Variants in DZIP1L observed in about 807,000 individuals in gnomAD.
DZIP1L encodes cilium assembly protein DZIP1L.
In DZIP1L, 90 loss-of-function variants were observed where a neutral mutation model predicts 88.7. That is an observed-to-expected ratio of 1.02 (90% CI 0.86 to 1.21). The LOEUF is 1.21. Among genes scored for constraint, DZIP1L ranks in the 50% most tolerant of loss-of-function variants. The probability of loss-of-function intolerance (pLI) is 0.00; values close to 1 mark genes in which losing one functional copy is unlikely to be tolerated. For missense variants in DZIP1L, 932 were observed against 955.8 expected (o/e 0.98, Z 0.33); for synonymous variants, 363 against 372.1 (o/e 0.98, Z 0.28).
chr3:138,112,002 CAAAA>C (rs56199137), intron 1 of DZIP1L, among the ~76,000 whole-genome samples: 1 of 135,094 alleles, frequency 7.4e-6, no homozygotes, highest in Non-Finnish European at 1.6e-5. Context: ...AATTCTGTCT[CAAAA>C]AAAAAAAAAA....
intron 2 of DZIP1L, chr3:138,102,258 T>A: frequency 6.9e-7 from 1 of 1,440,576 alleles, no homozygotes. Flanking sequence ...GAAGTTGATC[T>A]CGTCAGTCAG....
At chr3:138,112,502 T>C (rs1240853243) in intron 1 of DZIP1L, 2 of 152,190 alleles carry the variant, frequency 1.3e-5, no homozygotes, top group African/African-American at 4.8e-5. Flanking sequence ...GCTTGCGTCC[T>C]GATTAGGATA....
intron 11 of DZIP1L, among the ~76,000 whole-genome samples, chr3:138,076,088 T>C (rs932793447): frequency 6.6e-6 from 1 of 152,154 alleles, no homozygotes; most frequent in Non-Finnish European, 1.5e-5. Context: ...CCCAGAAGCC[T>C]TGGGTAGCAG....
At chr3:138,085,540 A>G (rs981152191) in intron 7 of DZIP1L, among the ~76,000 whole-genome samples, 3 of 152,254 alleles carry the variant, frequency 2.0e-5, no homozygotes, top group Non-Finnish European at 4.4e-5. Context: ...AGAAATGCAA[A>G]TCAAAACCAC....
At chr3:138,096,767 G>C (rs781356925) in intron 3 of DZIP1L, among the ~76,000 whole-genome samples, 7 of 152,092 alleles carry the variant, frequency 4.6e-5, no homozygotes, top group Non-Finnish European at 8.8e-5. Context: ...TAGGTAAGTG[G>C]TACTTTTTTT....
At chr3:138,084,069 G>C (rs752820070) in intron 8 of DZIP1L, 44 bp downstream of exon 8, 33 of 1,603,524 alleles carry the variant, frequency 2.1e-5, no homozygotes, top group Non-Finnish European at 2.7e-5. Flanking sequence ...CAGGAAAGAG[G>C]CCCAGGGACA....
chr3:138,080,164 T>G (rs556679239), intron 10 of DZIP1L, among the ~76,000 whole-genome samples: 1 of 152,116 alleles, frequency 6.6e-6, no homozygotes, highest in Non-Finnish European at 1.5e-5. Flanking sequence ...TGCAGCACAC[T>G]CACAATGTAG....
chr3:138,100,552 C>T (rs980754641), intron 2 of DZIP1L, among the ~76,000 whole-genome samples: 1 of 152,186 alleles, frequency 6.6e-6, no homozygotes, highest in African/African-American at 2.4e-5. Flanking sequence ...GCCCAGGTAT[C>T]TGAAGTGGGG....
rs1942748057 is a variant in DZIP1L, at chr3:138,062,659, G to A, written c.*157C>T. 4 of 867,854 alleles carry A rather than the reference G, an allele frequency of 4.6e-6. No individual in the cohort carries two copies. The highest frequency in any genetic ancestry group is 1.8e-5 in the South Asian group (1 of 56,796). 53.8% of individuals were successfully genotyped at this position (867,854 alleles called of 1,614,324 possible). On this transcript the variant is annotated 3_prime_UTR_variant, in exon 16 of 16. Coordinates refer to ENST00000327532, the MANE Select transcript of DZIP1L (RefSeq NM_173543.3). ...AGCAGGGCCCCTCACAGGTCAGGAGGGATGAGATCATATCCATTCCCTGCA... is the reference window on the plus strand; with the variant it reads ...AGCAGGGCCCCTCACAGGTCAGGAGAGATGAGATCATATCCATTCCCTGCA...
In DZIP1L at chr3:138,062,916, T is replaced by C. The variant is rs553034156; in HGVS notation, c.2204A>G (p.Asp735Gly). 8 of 1,614,150 alleles carry C rather than the reference T, an allele frequency of 5.0e-6. No homozygotes were observed. In the African/African-American group the frequency reaches 1.1e-4, roughly 22 times the overall value. ...SSLEDLPLDL[D>G]QREKPKPLSR... The stretch of plus-strand genomic sequence containing the variant: ...CAAGGGCTTGGGTTTCTCTCTCTGG[T>C]CCAGGTCCAGAGGAAGATCTTCCAA... The change falls in exon 16 of 16, where the codon GAC (aspartate) becomes GGC (glycine). Residue 735 changes from aspartate to glycine, a missense_variant. Coordinates refer to ENST00000327532, the MANE Select transcript of DZIP1L (RefSeq NM_173543.3).
At chr3:138,069,000 G>C (rs917013779) in intron 12 of DZIP1L, 10 of 1,273,606 alleles carry the variant, frequency 7.9e-6, no homozygotes, top group Middle Eastern at 2.8e-4. Context: ...AATGTAAAAT[G>C]AGTTTCTTAC....
chr3:138,109,809 G>C (rs749597889), intron 1 of DZIP1L, among the ~76,000 whole-genome samples: 3 of 152,176 alleles, frequency 2.0e-5, no homozygotes, highest in Non-Finnish European at 4.4e-5. Flanking sequence ...GTACTTTGCA[G>C]AGACATGGAT....
chr3:138,089,130 G>C, intron 5 of DZIP1L: 1 of 985,436 alleles, frequency 1.0e-6, no homozygotes, highest in Non-Finnish European at 1.2e-6. Context: ...CTGTATGACT[G>C]TATAAAACTC....
intron 1 of DZIP1L, among the ~76,000 whole-genome samples, chr3:138,106,571 C>A (rs901475759): frequency 2.6e-5 from 4 of 151,920 alleles, no homozygotes; most frequent in African/African-American, 4.8e-5. Flanking sequence ...CAGTGGCTCA[C>A]GCCTGTAATC....
chr3:138,098,808 TATATC>T (rs1262151570), intron 2 of DZIP1L, among the ~76,000 whole-genome samples: 1 of 152,210 alleles, frequency 6.6e-6, no homozygotes, highest in African/African-American at 2.4e-5. Context: ...CAATTAATAA[TATATC>T]ATAACGATTC....
At chr3:138,091,648 G>A in intron 5 of DZIP1L, among the ~76,000 whole-genome samples, 1 of 65,916 alleles carries the variant, frequency 1.5e-5, no homozygotes, top group African/African-American at 4.8e-5. Flanking sequence ...AGGGAGGGAG[G>A]GAGGAAGGAA....
At chr3:138,087,669 G>A (rs149620611) in intron 6 of DZIP1L, among the ~76,000 whole-genome samples, 141 of 152,246 alleles carry the variant, frequency 9.3e-4, no homozygotes, top group African/African-American at 3.0e-3. Flanking sequence ...AACATCAATC[G>A]GCAGAAACAC....
intron 14 of DZIP1L, 127 bp from the exon 15 acceptor site, chr3:138,064,894 C>G: frequency 7.3e-7 from 1 of 1,367,124 alleles, no homozygotes; most frequent in South Asian, 1.5e-5. Flanking sequence ...AGGAAGAAGG[C>G]TGAGCAACCA....
intron 9 of DZIP1L, among the ~76,000 whole-genome samples, chr3:138,081,436 G>A (rs1309673252): frequency 6.6e-6 from 1 of 152,164 alleles, no homozygotes; most frequent in East Asian, 1.9e-4. Flanking sequence ...TGCAGGCATG[G>A]TGAATTAGAA....
Sources: gnomAD v4.1 joint callset for allele counts (sites outside exome capture counted in the v4.1 genomes callset) on GRCh38, gnomAD v4.1.1 for gene constraint, MANE v1.5 for transcripts, NCBI Gene and HGNC (gene_info 2026-07-23, HGNC 2026-07-21) for gene names.